HSPA12A: variants seen among roughly 807,000 people sequenced by gnomAD.
The protein encoded by HSPA12A is heat shock protein family A (Hsp70) member 12A.
HSPA12A carries 28 observed loss-of-function variants against 69.2 expected under a neutral mutation model. The observed-to-expected ratio is 0.40, with a 90% confidence interval of 0.30 to 0.55. The LOEUF (loss-of-function observed/expected upper bound fraction) is 0.55, where lower values mean the gene tolerates loss of function less well. Ranked by LOEUF, HSPA12A falls within the 20% of genes least tolerant of loss-of-function variation. The probability of loss-of-function intolerance (pLI) is 0.38; values close to 1 mark genes in which losing one functional copy is unlikely to be tolerated. For synonymous variants in HSPA12A, 345 were observed against 370.5 expected (o/e 0.93, Z 0.79); for missense variants, 686 against 900.7 (o/e 0.76, Z 3.05).
At chr10:116,787,440 C>CA (rs776783179) in intron 2 of HSPA12A, among the ~76,000 whole-genome samples, 5,742 of 67,146 alleles carry the variant, frequency 0.086, 185 homozygotes, top group Non-Finnish European at 0.097. Flanking sequence ...CTCTAGCCAG[C>CA]AAAAAAAAAA....
At chr10:116,845,454 G>A (rs371894639) in intron 1 of HSPA12A, among the ~76,000 whole-genome samples, 4 of 151,964 alleles carry the variant, frequency 2.6e-5, no homozygotes, top group Admixed American at 2.0e-4. Context: ...CACCATACAC[G>A]CCTTCCAATG....
At chr10:116,784,926 C>G (rs574881965) in intron 2 of HSPA12A, among the ~76,000 whole-genome samples, 1 of 152,320 alleles carries the variant, frequency 6.6e-6, no homozygotes, top group Non-Finnish European at 1.5e-5. Flanking sequence ...AGGGAGGCAG[C>G]TGCTCCTAGG....
At chr10:116,794,124 G>C (rs1047484108) in intron 2 of HSPA12A, among the ~76,000 whole-genome samples, 1 of 152,072 alleles carries the variant, frequency 6.6e-6, no homozygotes, top group Non-Finnish European at 1.5e-5. Flanking sequence ...AGAATGGCGT[G>C]AACCCGGGAG....
intron 2 of HSPA12A, among the ~76,000 whole-genome samples, chr10:116,819,051 G>A (rs1317200443): frequency 6.6e-6 from 1 of 152,028 alleles, no homozygotes; most frequent in Non-Finnish European, 1.5e-5. Flanking sequence ...CATTCTCCCT[G>A]AGACAGATGC....
chr10:116,817,925 C>T (rs1845337749), intron 2 of HSPA12A, among the ~76,000 whole-genome samples: 1 of 152,216 alleles, frequency 6.6e-6, no homozygotes, highest in Admixed American at 6.5e-5. Flanking sequence ...CTGGATCATT[C>T]GCCACCTCCA....
intron 1 of HSPA12A, among the ~76,000 whole-genome samples, chr10:116,718,942 G>A (rs1310078230): frequency 4.6e-5 from 7 of 151,960 alleles, no homozygotes; most frequent in East Asian, 1.9e-4. Flanking sequence ...GAATCGACAC[G>A]AGATTCACTG....
intron 3 of HSPA12A, among the ~76,000 whole-genome samples, chr10:116,701,432 G>A (rs1850073890): frequency 6.6e-6 from 1 of 152,242 alleles, no homozygotes; most frequent in Non-Finnish European, 1.5e-5. Flanking sequence ...TTATGTCTGT[G>A]TCTTCAAATA....
chr10:116,788,189 C>A (rs564390907), intron 2 of HSPA12A, among the ~76,000 whole-genome samples: 2 of 152,236 alleles, frequency 1.3e-5, no homozygotes, highest in Non-Finnish European at 2.9e-5. Context: ...AAATTCTAGA[C>A]CCCCGCAAAC....
chr10:116,776,691 A>G (rs1844345982), intron 2 of HSPA12A, among the ~76,000 whole-genome samples: 1 of 152,272 alleles, frequency 6.6e-6, no homozygotes, highest in Non-Finnish European at 1.5e-5. Flanking sequence ...GCATCAAAAT[A>G]TAAGAGCAAT....
chr10:116,752,603 T>C (rs1851798404), intron 2 of HSPA12A, among the ~76,000 whole-genome samples: 1 of 152,090 alleles, frequency 6.6e-6, no homozygotes, highest in African/African-American at 2.4e-5. Flanking sequence ...ATGTATGAAA[T>C]TTACAAGAAA....
Position 116,742,528 on chromosome 10 carries a change from G to A in HSPA12A, c.-59C>T, listed in dbSNP as rs1316934323. ...CAGCGCAGCGCCCGTGCCCGTGCGG[G>A]TCTCTGTCCGCGTCCGCGGCGGCGC... is the stretch of plus-strand genomic sequence containing the variant. On this transcript the variant is annotated 5_prime_UTR_variant, in exon 1 of 12. Transcript: ENST00000369209. 3 of 1,203,888 alleles carry A rather than the reference G, an allele frequency of 2.5e-6. No individual in the cohort carries two copies. Among genetic ancestry groups the A allele is most frequent in the Non-Finnish European group, 2.1e-6 (2 of 969,374 alleles). The allele number at this position is 1,203,888 out of a possible 1,614,324, so 74.6% of individuals were successfully genotyped here.
At chr10:116,836,778 C>T (rs1357824385) in intron 1 of HSPA12A, among the ~76,000 whole-genome samples, 1 of 149,124 alleles carries the variant, frequency 6.7e-6, no homozygotes, top group African/African-American at 2.6e-5. Context: ...AACACACACA[C>T]ACACACACAC....
chr10:116,735,090 C>T (rs1554886330), intron 1 of HSPA12A, among the ~76,000 whole-genome samples: 1 of 152,208 alleles, frequency 6.6e-6, no homozygotes, highest in African/African-American at 2.4e-5. Context: ...TGAATACCAC[C>T]ATCATTCTTC....
intron 10 of HSPA12A, among the ~76,000 whole-genome samples, chr10:116,677,984 C>CT (rs5788184): frequency 1.4e-4 from 21 of 148,462 alleles, no homozygotes; most frequent in African/African-American, 2.5e-4. Context: ...GAAATTGATT[C>CT]TTTTTTTTTT....
chr10:116,755,956 C>T (rs1554888731), intron 2 of HSPA12A, among the ~76,000 whole-genome samples: 1 of 152,044 alleles, frequency 6.6e-6, no homozygotes, highest in African/African-American at 2.4e-5. Context: ...TGTTGCACTG[C>T]AGCCTGGGCA....
intron 2 of HSPA12A, among the ~76,000 whole-genome samples, chr10:116,794,924 A>T (rs1844784969): frequency 6.6e-6 from 1 of 152,356 alleles, no homozygotes; most frequent in South Asian, 2.1e-4. Flanking sequence ...AATTTAAAAA[A>T]TAATTAGAAT....
At chr10:116,701,294 A>G (rs1410388584) in intron 3 of HSPA12A, among the ~76,000 whole-genome samples, 165 bp from the exon 4 acceptor site, 1 of 152,216 alleles carries the variant, frequency 6.6e-6, no homozygotes, top group Non-Finnish European at 1.5e-5. Context: ...CTTCAGTTAA[A>G]AAGGAGATGA....
At chr10:116,705,658 G>C (rs1479519022) in intron 2 of HSPA12A, among the ~76,000 whole-genome samples, 2 of 152,248 alleles carry the variant, frequency 1.3e-5, no homozygotes, top group African/African-American at 4.8e-5. Flanking sequence ...AAGACCCTGT[G>C]CAGACCTCTG....
intron 2 of HSPA12A, among the ~76,000 whole-genome samples, chr10:116,785,877 C>T (rs59264277): frequency 0.051 from 7,741 of 152,002 alleles, 650 homozygotes; most frequent in African/African-American, 0.18. Context: ...CTCCTATTTC[C>T]CCCCCTCCCC....
Sources: allele counts gnomAD v4.1 joint callset (sites outside exome capture counted in the v4.1 genomes callset), GRCh38; gene constraint gnomAD v4.1.1; transcripts MANE v1.5; gene names NCBI Gene and HGNC (gene_info 2026-07-23, HGNC 2026-07-21).